Variants in FSCN2 observed in about 807,000 individuals in gnomAD.
The protein encoded by FSCN2 is fascin-2.
In FSCN2, 46 loss-of-function variants were observed where a neutral mutation model predicts 37.8. The ratio of observed to expected loss-of-function variants is 1.22; its 90% CI spans 0.96 to 1.56. The LOEUF (loss-of-function observed/expected upper bound fraction) is 1.56. Ranked by LOEUF, FSCN2 falls within the 40% of genes most tolerant of loss-of-function variation. FSCN2 has a pLI of 0.00. For synonymous variants in FSCN2, 351 were observed against 309.4 expected (o/e 1.13, Z -1.41); for missense variants, 844 against 730.4 (o/e 1.16, Z -1.79).
chr17:81,533,867 G>C (rs139106418), intron 1 of FSCN2, among the ~76,000 whole-genome samples: 5,601 of 152,212 alleles, frequency 0.037, 144 homozygotes, highest in Non-Finnish European at 0.056. Flanking sequence ...GTGCAGTGGC[G>C]GGGGGAGCCC....
At chr17:81,534,603 C>T (rs2032790810) in intron 1 of FSCN2, among the ~76,000 whole-genome samples, 1 of 151,882 alleles carries the variant, frequency 6.6e-6, no homozygotes, top group Admixed American at 6.5e-5. Flanking sequence ...GTGACAGGGA[C>T]CAGCCCCTGG....
At chr17:81,526,057 G>A (rs1555670052), upstream of FSCN2, among the ~76,000 whole-genome samples, 1 of 152,232 alleles carries the variant, frequency 6.6e-6, no homozygotes, top group Non-Finnish European at 1.5e-5. Context: ...TTCTGGCTCT[G>A]CCACCAAGAG....
chr17:81,530,564 C>T (rs2143857792), intron 1 of FSCN2: 1 of 509,162 alleles, frequency 2.0e-6, no homozygotes, highest in Middle Eastern at 3.2e-4. Flanking sequence ...GCATGGAGCT[C>T]CTCCTCCCAA....
rs143561119 is a variant in FSCN2 at position 81,537,047 on chromosome 17, C to T, written c.1446C>T (p.Asp482=). 0.06 allele frequency: 87,634 copies of T among 1,470,692 alleles called. 2,990 individuals carry two copies. The highest frequency in any genetic ancestry group is 0.076 in the Middle Eastern group (417 of 5,504). 91.1% of individuals were successfully genotyped at this position (1,470,692 alleles called of 1,614,324 possible). The stretch of plus-strand genomic sequence containing the variant: ...CGGGCCTGCTGCGGGCCGATGCCGA[C>T]GCCCCGGCCGGGACCGCGCTTTGGG... ...GASGLLRADA[D]APAGTALWEY Residue 482 remains aspartate (D), a synonymous_variant, in exon 5 of 5, where the codon GAC becomes GAT. Transcript: ENST00000417245.
At chr17:81,524,789 G>A (rs1000308986), upstream of FSCN2, among the ~76,000 whole-genome samples, 1 of 152,050 alleles carries the variant, frequency 6.6e-6, no homozygotes. Flanking sequence ...GCAGCCCTGA[G>A]TAGGCTCTCA....
At chr17:81,525,286 C>T (rs190403326), upstream of FSCN2, among the ~76,000 whole-genome samples, 7 of 151,654 alleles carry the variant, frequency 4.6e-5, 1 homozygote, top group East Asian at 1.9e-4. Context: ...ACTAGCGGGG[C>T]GTGGTGGTGG....
chr17:81,528,738 G>A lies in FSCN2; in HGVS notation c.207G>A (p.Leu69=). Residue 69 remains leucine (L), a synonymous_variant, in exon 1 of 5, where the codon CTG becomes CTA. Coordinates refer to ENST00000417245, the MANE Select transcript of FSCN2 (RefSeq NM_012418.4). ...LLRSSHLGRY[L]SAEEDGRVAC... is the part of the protein sequence containing the mutation. ...GCAGCAGCCACCTGGGCCGCTACCTGTCGGCAGAAGAGGACGGGCGCGTGG... is the reference window on the plus strand; with the variant it reads ...GCAGCAGCCACCTGGGCCGCTACCTATCGGCAGAAGAGGACGGGCGCGTGG... 1 of 1,593,892 alleles carries A rather than the reference G, an allele frequency of 6.3e-7. No individual in the cohort carries two copies. The highest frequency in any genetic ancestry group is 1.1e-5 in the South Asian group (1 of 88,278).
In FSCN2 at chr17:81,528,915, C is replaced by T. The variant is rs935685958; in HGVS notation, c.384C>T (p.Ala128=). 31 of 1,589,884 alleles carry T rather than the reference C, an allele frequency of 1.9e-5. No individual in the cohort carries two copies. Among genetic ancestry groups the T allele is most frequent in the East Asian group, 1.6e-4 (7 of 43,820 alleles). The part of the protein sequence containing the change: ...LSCFATAVSP[A]ELWTVHLAIH... ...GCTTCGCCACAGCCGTTTCCCCGGC[C>T]GAGCTGTGGACCGTGCACCTGGCCA... is the stretch of plus-strand genomic sequence containing the variant. Residue 128 remains alanine, a synonymous_variant, in exon 1 of 5, where the codon GCC becomes GCT. Transcript: ENST00000417245.
Position 81,528,662 on chromosome 17 carries a change from AGACCTGGGTGCTGGAACCC to A in FSCN2, c.136_154del (p.Trp46GlnfsTer93), listed in dbSNP as rs782594081. ...TCGGCACCCAGCCTCAAGAGGAAGC[AGACCTGGGTGCTGGAACCC>A]GACCCAGGACAAGGCACGGCTGTGC... On this transcript the variant is annotated frameshift_variant, in exon 1 of 5. Coordinates refer to ENST00000417245, the MANE Select transcript of FSCN2 (RefSeq NM_012418.4). LOFTEE classifies it high-confidence loss of function. 1.9e-6 allele frequency: 3 copies of A among 1,602,706 alleles called. No homozygotes were observed. The highest frequency in any genetic ancestry group is 2.6e-6 in the Non-Finnish European group (3 of 1,175,392).
At chr17:81,536,348 C>T (rs1397758220) in intron 3 of FSCN2, 81 bp downstream of exon 3, 1 of 1,510,114 alleles carries the variant, frequency 6.6e-7, no homozygotes, top group South Asian at 1.2e-5. Context: ...CCCATCTCCA[C>T]CAAGAGCTGG....
the FSCN2 span, among the ~76,000 whole-genome samples, chr17:81,517,306 G>A: frequency 2.0e-5 from 3 of 152,250 alleles, no homozygotes; most frequent in East Asian, 3.9e-4. Flanking sequence ...TTCTGGGCCC[G>A]GCTCAGCCCT....
Position 81,528,414 on chromosome 17 carries a change from G to A in FSCN2, c.-118G>A, listed in dbSNP as rs980254344. 136 of 734,518 alleles carry A rather than the reference G, an allele frequency of 1.9e-4. No individual in the cohort carries two copies. The highest frequency in any genetic ancestry group is 2.3e-4 in the Admixed American group (9 of 38,412). 45.5% of individuals were successfully genotyped at this position (734,518 alleles called of 1,614,324 possible). ...GAGCAGGCAGGGGGTTCGTGACGCC[G>A]GCTGGGTCTGGGGGCTGTGGGCCAG... On this transcript the variant is annotated 5_prime_UTR_variant, in exon 1 of 5. Transcript: ENST00000417245.
chr17:81,531,749 A>T (rs796812340), intron 1 of FSCN2, among the ~76,000 whole-genome samples: 1 of 23,240 alleles, frequency 4.3e-5, no homozygotes, highest in Non-Finnish European at 7.9e-5. Context: ...TGGTGATGAT[A>T]GTGATGGCGA....
chr17:81,536,982 A>C lies in FSCN2; in HGVS notation c.1381A>C (p.Ile461Leu). ...FEFRERGRLA[I>L]RARSGKYLRG... is the part of the protein sequence containing the mutation. ...GTTCCGTGAGCGCGGCCGCCTGGCC[A>C]TCCGCGCCCGGAGCGGCAAGTACCT... Residue 461 changes from isoleucine to leucine, a missense_variant, in exon 5 of 5, where the codon ATC becomes CTC. Physicochemically the swap from Ile to Leu is conservative, Grantham distance 5. Transcript: ENST00000417245. 1 of 1,535,288 alleles carries C rather than the reference A, an allele frequency of 6.5e-7. No homozygotes were observed. The highest frequency in any genetic ancestry group is 1.2e-5 in the South Asian group (1 of 82,896).
chr17:81,531,180 A>G (rs782382340), intron 1 of FSCN2, among the ~76,000 whole-genome samples: 99 of 115,616 alleles, frequency 8.6e-4, no homozygotes, highest in African/African-American at 4.0e-3. Flanking sequence ...GGTGATGGTG[A>G]TGATGGTGGT....
chr17:81,534,548 G>A (rs1002627559), intron 1 of FSCN2, among the ~76,000 whole-genome samples: 2 of 151,918 alleles, frequency 1.3e-5, no homozygotes, highest in Non-Finnish European at 2.9e-5. Flanking sequence ...CCTCCCCCAG[G>A]GGTCCTGGGA....
chr17:81,529,093 T>G lies in FSCN2; in HGVS notation c.562T>G (p.Ser188Ala). The change falls in exon 1 of 5, where the codon TCC (serine) becomes GCC (alanine). Residue 188 changes from serine to alanine, a missense_variant. Transcript: ENST00000417245. Reference sequence around the variant, plus strand: ...CCGGAGCCGACGGTACTGCCTCAAGTCCTGTGACAGCCGCTACCTGCGCAG... The same window carrying G: ...CCGGAGCCGACGGTACTGCCTCAAGGCCTGTGACAGCCGCTACCTGCGCAG... ...IFRSRRYCLK[S>A]CDSRYLRSDG... 1 of 1,589,224 alleles carries G rather than the reference T, an allele frequency of 6.3e-7. No homozygotes were observed. The highest frequency in any genetic ancestry group is 1.7e-4 in the Middle Eastern group (1 of 6,042).
upstream of FSCN2, chr17:81,523,987 G>C (rs1472179135): frequency 6.6e-6 from 1 of 152,344 alleles, no homozygotes; most frequent in Non-Finnish European, 1.5e-5. Context: ...CAAGCATCCA[G>C]GATCAGTGGT....
chr17:81,525,734 A>AAATAAT (rs1383234138), upstream of FSCN2, among the ~76,000 whole-genome samples: 15 of 152,272 alleles, frequency 9.9e-5, no homozygotes, highest in African/African-American at 2.9e-4. Context: ...GAAAAAAATA[A>AAATAAT]AATAATTAAT....
Sources: gnomAD v4.1 joint callset for allele counts (sites outside exome capture counted in the v4.1 genomes callset) on GRCh38, gnomAD v4.1.1 for gene constraint, MANE v1.5 for transcripts, NCBI Gene and HGNC (gene_info 2026-07-23, HGNC 2026-07-21) for gene names.